CLSTN2: variants seen among roughly 807,000 people sequenced by gnomAD.
CLSTN2 encodes calsyntenin-2.
Under a neutral mutation model 101.2 loss-of-function variants are expected in CLSTN2, and 48 were observed. That is an observed-to-expected ratio of 0.47 (90% CI 0.38 to 0.60). The LOEUF (loss-of-function observed/expected upper bound fraction) is 0.60, where lower values mean the gene tolerates loss of function less well. CLSTN2 is among the 20% of genes least tolerant of loss of function. CLSTN2 has a pLI of 0.00. For missense variants in CLSTN2, 1,160 were observed against 1,238.2 expected, an observed-to-expected ratio of 0.94 and a Z score of 0.95; for synonymous variants, 481 against 463.6, an observed-to-expected ratio of 1.04 and a Z score of -0.48.
intron 2 of CLSTN2, among the ~76,000 whole-genome samples, chr3:140,304,311 TAAC>T (rs2087090281): frequency 6.6e-6 from 1 of 152,204 alleles, no homozygotes. Context: ...TGGACAGCCA[TAAC>T]AAAATACAAT....
At chr3:139,948,656 T>G (rs1935248475) in intron 1 of CLSTN2, among the ~76,000 whole-genome samples, 1 of 152,118 alleles carries the variant, frequency 6.6e-6, no homozygotes, top group African/African-American at 2.4e-5. Context: ...AAGTCCTCTG[T>G]CTTTAGTACA....
chr3:140,052,913 G>A (rs917256004), intron 1 of CLSTN2, among the ~76,000 whole-genome samples: 3 of 152,178 alleles, frequency 2.0e-5, no homozygotes, highest in East Asian at 1.9e-4. Flanking sequence ...AGCAAACCTT[G>A]GGTGTGGTTG....
chr3:140,566,215 G>T lies in CLSTN2; in HGVS notation c.2830G>T (p.Ala944Ser). ...GRHGQNGARQ[A>S]QLEWDDSTLP... ...ACATGGGCAGAATGGAGCCAGGCAA[G>T]CCCAGCTGGAGTGGGATGACTCCAC... Residue 944 changes from alanine to serine, a missense_variant, in exon 17 of 17, where the codon GCC becomes TCC. Coordinates refer to ENST00000458420, the MANE Select transcript of CLSTN2 (RefSeq NM_022131.3). 1.3e-6 allele frequency: 2 copies of T among 1,592,080 alleles called. No homozygotes were observed. Among genetic ancestry groups the T allele is most frequent in the South Asian group, 2.3e-5 (2 of 88,246 alleles).
intron 8 of CLSTN2, among the ~76,000 whole-genome samples, chr3:140,494,486 C>G (rs1934420562): frequency 6.6e-6 from 1 of 152,182 alleles, no homozygotes. Flanking sequence ...TTCTGGGGTA[C>G]ATGTGCAGGA....
intron 1 of CLSTN2, among the ~76,000 whole-genome samples, chr3:139,996,015 G>A (rs983896): frequency 0.55 from 84,106 of 152,108 alleles, 25,463 homozygotes; most frequent in Non-Finnish European, 0.67. Context: ...TATATTACTA[G>A]TAACTTACAT....
chr3:140,304,964 C>T (rs1224509194), intron 2 of CLSTN2, among the ~76,000 whole-genome samples: 7 of 151,866 alleles, frequency 4.6e-5, no homozygotes, highest in African/African-American at 1.2e-4. Flanking sequence ...GCATTAGAGG[C>T]GAGCTATGCA....
At chr3:140,159,484 G>C (rs1052717374) in intron 1 of CLSTN2, among the ~76,000 whole-genome samples, 2 of 151,988 alleles carry the variant, frequency 1.3e-5, no homozygotes, top group Admixed American at 1.3e-4. Context: ...TCATCTCACA[G>C]CCATTACAAT....
intron 2 of CLSTN2, among the ~76,000 whole-genome samples, chr3:140,189,241 T>C (rs75104180): frequency 0.013 from 1,996 of 152,302 alleles, 41 homozygotes; most frequent in African/African-American, 0.045. Context: ...TGTGTGAACA[T>C]AAGTCTTTAT....
intron 2 of CLSTN2, among the ~76,000 whole-genome samples, chr3:140,290,700 G>A (rs1384251204): frequency 6.6e-6 from 1 of 152,216 alleles, no homozygotes; most frequent in Admixed American, 6.5e-5. Flanking sequence ...GCATAGAATG[G>A]ATAATTCAAT....
intron 2 of CLSTN2, among the ~76,000 whole-genome samples, chr3:140,371,510 T>A (rs890751479): frequency 1.3e-5 from 2 of 152,098 alleles, no homozygotes; most frequent in Admixed American, 1.3e-4. Flanking sequence ...GGAACCTTCC[T>A]GTAAATCAGC....
At chr3:139,972,608 A>G (rs1275316742) in intron 1 of CLSTN2, among the ~76,000 whole-genome samples, 1 of 152,188 alleles carries the variant, frequency 6.6e-6, no homozygotes, top group Non-Finnish European at 1.5e-5. Context: ...TAAGGATTCC[A>G]TGAGCTCATC....
chr3:139,996,573 C>T (rs942095155), intron 1 of CLSTN2, among the ~76,000 whole-genome samples: 10 of 152,118 alleles, frequency 6.6e-5, no homozygotes, highest in African/African-American at 2.2e-4. Context: ...TACACTCCTC[C>T]TGGTAATGTA....
At chr3:140,382,960 T>G (rs2088003079) in intron 2 of CLSTN2, among the ~76,000 whole-genome samples, 5 of 134,256 alleles carry the variant, frequency 3.7e-5, no homozygotes, top group African/African-American at 5.4e-5. Flanking sequence ...GGGGTGGGGG[T>G]GGTCACAAAC....
chr3:140,224,843 G>GA (rs1182284401), intron 2 of CLSTN2, among the ~76,000 whole-genome samples: 1 of 152,102 alleles, frequency 6.6e-6, no homozygotes. Context: ...TATGTTCTGA[G>GA]AAACACATGA....
intron 1 of CLSTN2, among the ~76,000 whole-genome samples, chr3:140,061,206 G>A (rs2008198775): frequency 6.6e-6 from 1 of 152,166 alleles, no homozygotes; most frequent in African/African-American, 2.4e-5. Flanking sequence ...TGCAACCAAT[G>A]TGGTAGGTAA....
intron 1 of CLSTN2, among the ~76,000 whole-genome samples, chr3:140,172,324 A>G (rs553627881): frequency 2.0e-5 from 3 of 152,262 alleles, no homozygotes; most frequent in African/African-American, 7.2e-5. Context: ...CAGTGTGCAG[A>G]ATAGAATGGA....
chr3:140,450,804 T>C (rs1933228590), intron 6 of CLSTN2, among the ~76,000 whole-genome samples: 1 of 152,082 alleles, frequency 6.6e-6, no homozygotes, highest in South Asian at 2.1e-4. Context: ...AGTAAAAATA[T>C]TTAGAACTGA....
chr3:140,201,697 G>A (rs191837913), intron 2 of CLSTN2, among the ~76,000 whole-genome samples: 2 of 152,104 alleles, frequency 1.3e-5, no homozygotes, highest in African/African-American at 4.8e-5. Flanking sequence ...ATATCAGTAA[G>A]CCAAAAAGTG....
rs750809184 is a variant in CLSTN2 at position 140,466,592 on chromosome 3, CTTCT to C, written c.1223-13_1223-10del. The C allele has an allele frequency of 7.8e-5, 126 of 1,613,680 alleles. No homozygotes were observed. The highest frequency in any genetic ancestry group is 9.8e-5 in the Non-Finnish European group (116 of 1,179,818). ...ACAGGGGTTCTCTCACTCTTCAAACCTTCTTTCTGCTTTTCAGAAATGAACCGGC... is the reference window on the plus strand; with the variant it reads ...ACAGGGGTTCTCTCACTCTTCAAACCTTCTGCTTTTCAGAAATGAACCGGC... On this transcript the variant is annotated splice_polypyrimidine_tract_variant and intron_variant, in intron 7 of 16. Transcript: ENST00000458420.
Sources: allele counts gnomAD v4.1 joint callset (sites outside exome capture counted in the v4.1 genomes callset), GRCh38; gene constraint gnomAD v4.1.1; transcripts MANE v1.5; gene names NCBI Gene and HGNC (gene_info 2026-07-23, HGNC 2026-07-21).